The following ABCC3 variants were observed in gnomAD, a reference collection of about 807,000 sequenced individuals.
ABCC3 encodes ATP binding cassette subfamily C member 3.
Under a neutral mutation model 165.3 loss-of-function variants are expected in ABCC3, and 121 were observed. The ratio of observed to expected loss-of-function variants is 0.73; its 90% confidence interval spans 0.63 to 0.85. ABCC3 has a LOEUF of 0.85. ABCC3 is among the 40% of genes least tolerant of loss of function. ABCC3 has a pLI of 0.00. For synonymous variants in ABCC3, 733 were observed against 810.1 expected, an observed-to-expected ratio of 0.90 and a Z score of 1.62; for missense variants, 1,869 against 1,964.1, an observed-to-expected ratio of 0.95 and a Z score of 0.92.
intron 14 of ABCC3, 149 bp downstream of exon 14, chr17:50,668,666 T>C (rs1040388648): frequency 1.3e-5 from 10 of 784,480 alleles, no homozygotes; most frequent in African/African-American, 5.2e-5. Context: ...TCTTCCGGGT[T>C]CTCTGCTCTC....
chr17:50,654,724 G>A (rs1276271321), intron 1 of ABCC3, among the ~76,000 whole-genome samples: 1 of 152,158 alleles, frequency 6.6e-6, no homozygotes, highest in Non-Finnish European at 1.5e-5. Flanking sequence ...CCCTGACCCG[G>A]GAAAGGCCTT....
intron 1 of ABCC3, among the ~76,000 whole-genome samples, chr17:50,640,867 C>T (rs1480212924): frequency 1.3e-5 from 2 of 152,152 alleles, no homozygotes; most frequent in African/African-American, 2.4e-5. Context: ...TGGGGATCAG[C>T]ACGTGTCCTT....
At chr17:50,664,919 T>C (rs1264839899) in intron 10 of ABCC3, among the ~76,000 whole-genome samples, 2 of 152,120 alleles carry the variant, frequency 1.3e-5, no homozygotes, top group South Asian at 2.1e-4. Context: ...TTCCTGTGTG[T>C]CTGGACACCC....
intron 3 of ABCC3, 42 bp from the exon 4 acceptor site, chr17:50,657,004 A>T (rs772292703): frequency 6.3e-7 from 1 of 1,599,988 alleles, no homozygotes; most frequent in South Asian, 1.1e-5. Flanking sequence ...GCAGGTCCAG[A>T]TGTGTGTGTT....
chr17:50,663,630 A>G, intron 8 of ABCC3, 51 bp from the exon 9 acceptor site: 1 of 1,587,856 alleles, frequency 6.3e-7, no homozygotes, highest in South Asian at 1.1e-5. Flanking sequence ...CAGAGGAGGG[A>G]GCAGCCATGG....
At chr17:50,681,067 C>A (rs879802446) in intron 26 of ABCC3, among the ~76,000 whole-genome samples, 2 of 151,024 alleles carry the variant, frequency 1.3e-5, no homozygotes, top group Non-Finnish European at 2.9e-5. Context: ...CAGAGTGAGA[C>A]TCTGTCTAAA....
chr17:50,644,108 C>T (rs936107629), intron 1 of ABCC3, among the ~76,000 whole-genome samples: 22 of 151,046 alleles, frequency 1.5e-4, no homozygotes, highest in Non-Finnish European at 2.5e-4. Flanking sequence ...GTCAGGAGTT[C>T]GAGACCAGCC....
At chr17:50,683,582 A>T in intron 26 of ABCC3, 28 bp from the exon 27 acceptor site, 1 of 1,524,304 alleles carries the variant, frequency 6.6e-7, no homozygotes, top group Non-Finnish European at 8.8e-7. Flanking sequence ...TGGGCAGCTG[A>T]TGTGACCCCA....
At chr17:50,637,497 G>GT (rs970624953) in intron 1 of ABCC3, among the ~76,000 whole-genome samples, 3 of 152,174 alleles carry the variant, frequency 2.0e-5, no homozygotes, top group Admixed American at 6.5e-5. Context: ...GGGCCTGTGG[G>GT]TGACCCACTT....
At position 50,673,087 on chromosome 17, in the gene ABCC3, C is replaced by T; in HGVS notation, c.2358C>T (p.Ala786=). The T allele has an allele frequency of 6.2e-7, 1 of 1,614,120 alleles. No homozygotes were observed. The highest frequency in any genetic ancestry group is 8.5e-7 in the Non-Finnish European group (1 of 1,180,042). ...DPLSAVDSHV[A]KHIFDHVIGP... Reference sequence around the variant, plus strand: ...TGTCCGCGGTGGACTCTCATGTGGCCAAGCACATCTTTGACCACGTCATCG... The same window carrying T: ...TGTCCGCGGTGGACTCTCATGTGGCTAAGCACATCTTTGACCACGTCATCG... The change falls in exon 18 of 31, where the codon GCC becomes GCT. Residue 786 remains alanine, a synonymous_variant. Transcript: ENST00000285238.
chr17:50,689,525 T>C (rs528764035), intron 30 of ABCC3, among the ~76,000 whole-genome samples: 134 of 152,278 alleles, frequency 8.8e-4, no homozygotes, highest in African/African-American at 3.0e-3. Flanking sequence ...AGGAGTATAG[T>C]GGGAATACCC....
At chr17:50,678,643 CTG>C (rs970582178) in intron 25 of ABCC3, among the ~76,000 whole-genome samples, 2 of 152,170 alleles carry the variant, frequency 1.3e-5, no homozygotes, top group African/African-American at 4.8e-5. Flanking sequence ...AGAAGAGGGA[CTG>C]GGTGCAGTGG....
chr17:50,682,729 A>T (rs1486209178), intron 26 of ABCC3, among the ~76,000 whole-genome samples: 1 of 152,070 alleles, frequency 6.6e-6, no homozygotes, highest in African/African-American at 2.4e-5. Context: ...CGTTGTATAG[A>T]TTTGCTTATC....
At chr17:50,678,980 C>A (rs550230968) in intron 25 of ABCC3, 4 of 152,084 alleles carry the variant, frequency 2.6e-5, no homozygotes, top group Non-Finnish European at 5.9e-5. Context: ...TAGAAATGAT[C>A]TTGGAGCTTA....
At chr17:50,681,430 T>C (rs559088077) in intron 26 of ABCC3, among the ~76,000 whole-genome samples, 1 of 152,302 alleles carries the variant, frequency 6.6e-6, no homozygotes, top group South Asian at 2.1e-4. Context: ...CATGGCCGCT[T>C]GAGGACCTGG....
Position 50,667,922 on chromosome 17 carries a change from C to G in ABCC3, c.1695C>G (p.Ala565=), listed in dbSNP as rs149253830. Residue 565 remains alanine (A), a synonymous_variant, in exon 13 of 31, where the codon GCC becomes GCG. Transcript: ENST00000285238. ...TGGACCCAAACAATGTGCTGGACGC[C>G]GAGAAGGCCTTTGTGTCTGTGTCCT... ...VYVDPNNVLD[A]EKAFVSVSLF... is the part of the protein sequence containing the mutation. 3 of 1,614,140 alleles carry G rather than the reference C, an allele frequency of 1.9e-6. No individual in the cohort carries two copies. Among genetic ancestry groups the G allele is most frequent in the East Asian group, 2.2e-5 (1 of 44,880 alleles).
chr17:50,650,821 T>C (rs973639222), intron 1 of ABCC3, among the ~76,000 whole-genome samples: 4 of 152,204 alleles, frequency 2.6e-5, no homozygotes, highest in African/African-American at 9.6e-5. Context: ...ATCCCAGCAC[T>C]TTGGAGTCCG....
At chr17:50,636,182 TTGAG>T (rs2054177736) in intron 1 of ABCC3, among the ~76,000 whole-genome samples, 1 of 152,158 alleles carries the variant, frequency 6.6e-6, no homozygotes, top group African/African-American at 2.4e-5. Context: ...TTTTCCTATT[TTGAG>T]TATTTGTACA....
At chr17:50,661,528 A>C (rs570964879) in intron 8 of ABCC3, among the ~76,000 whole-genome samples, 1 of 152,302 alleles carries the variant, frequency 6.6e-6, no homozygotes, top group East Asian at 1.9e-4. Context: ...CTCTGTCCCC[A>C]CCATCAGGCT....
Sources: gnomAD v4.1 joint callset for allele counts (sites outside exome capture counted in the v4.1 genomes callset) on GRCh38, gnomAD v4.1.1 for gene constraint, MANE v1.5 for transcripts, NCBI Gene and HGNC (gene_info 2026-07-23, HGNC 2026-07-21) for gene names.